The following FCRL1 variants were observed in gnomAD, a reference collection of about 807,000 sequenced individuals.
FCRL1 encodes Fc receptor like 1.
FCRL1 carries 34 observed loss-of-function variants against 49.2 expected under a neutral mutation model. The ratio of observed to expected loss-of-function variants is 0.69; its 90% CI spans 0.53 to 0.92. The LOEUF (loss-of-function observed/expected upper bound fraction) is 0.92, where lower values mean the gene tolerates loss of function less well. FCRL1 is among the 40% of genes least tolerant of loss of function. The pLI is 0.00. For missense variants in FCRL1, 524 were observed against 524.1 expected (o/e 1.00, Z 0.00); for synonymous variants, 218 against 201.6 (o/e 1.08, Z -0.69).
At chr1:157,804,488 A>T (rs1417667734) in intron 2 of FCRL1, among the ~76,000 whole-genome samples, 4 of 152,172 alleles carry the variant, frequency 2.6e-5, no homozygotes, top group African/African-American at 7.2e-5. Context: ...AGTTTTATTC[A>T]AAGTGAATAT....
chr1:157,798,322 C>T, intron 7 of FCRL1, 79 bp from the exon 8 acceptor site: 1 of 1,231,358 alleles, frequency 8.1e-7, no homozygotes, highest in Non-Finnish European at 1.1e-6. Flanking sequence ...GGAGAGAAGC[C>T]TGTGACAAAT....
rs750060612 is a variant in FCRL1 at position 157,802,040 on chromosome 1, G to T, written c.761C>A (p.Ala254Asp). 6.2e-7 allele frequency: 1 copy of T among 1,614,228 alleles called. No individual in the cohort carries two copies. The highest frequency in any genetic ancestry group is 8.5e-7 in the Non-Finnish European group (1 of 1,180,030). The change falls in exon 5 of 11, where the codon GCC becomes GAC. Residue 254 changes from alanine (A) to aspartate (D), a missense_variant. Physicochemically the swap from Ala to Asp is moderately radical, Grantham distance 126 (BLOSUM62 -2). Coordinates refer to ENST00000368176, the MANE Select transcript of FCRL1 (RefSeq NM_052938.5). ...GAAGGAGGCTCCTCCTCCAGAGGGG[G>T]CCGACCTGCTCCCCAGGGTGATATC... ...HEDITLGSRS[A>D]PSGGGASFNL...
chr1:157,795,870 TG>T lies in FCRL1; in HGVS notation c.*228del. 2.2e-6 allele frequency: 1 copy of T among 462,018 alleles called. No individual in the cohort carries two copies. Among genetic ancestry groups the T allele is most frequent in the Non-Finnish European group, 3.9e-6 (1 of 256,048 alleles). The allele number at this position is 462,018 out of a possible 1,614,324, so 28.6% of individuals were successfully genotyped here. ...GTTTTCAAAGGAGCCGGCAGGAATC[TG>T]GTTCTGATAACAAAGTCCCTGTCAC... On this transcript the variant is annotated 3_prime_UTR_variant, in exon 11 of 11. Transcript: ENST00000368176.
chr1:157,813,808 G>C (rs2101898331), intron 1 of FCRL1, among the ~76,000 whole-genome samples: 1 of 152,146 alleles, frequency 6.6e-6, no homozygotes, highest in Middle Eastern at 3.4e-3. Flanking sequence ...AATTGTTAAA[G>C]GTCAAATACA....
intron 1 of FCRL1, among the ~76,000 whole-genome samples, chr1:157,808,113 C>T (rs971269311): frequency 2.0e-5 from 3 of 152,086 alleles, no homozygotes; most frequent in African/African-American, 4.8e-5. Context: ...AATCATATTC[C>T]ATACACTTGT....
At chr1:157,809,589 C>A (rs1003755461) in intron 1 of FCRL1, among the ~76,000 whole-genome samples, 2 of 152,156 alleles carry the variant, frequency 1.3e-5, no homozygotes, top group Non-Finnish European at 2.9e-5. Context: ...GCTGGGATTA[C>A]AGGCATGTGC....
intron 3 of FCRL1, among the ~76,000 whole-genome samples, chr1:157,803,605 C>G (rs1050779759): frequency 6.6e-6 from 1 of 152,208 alleles, no homozygotes; most frequent in African/African-American, 2.4e-5. Flanking sequence ...CTCTTCCCCC[C>G]ACACCCTCCA....
chr1:157,798,028 A>C (rs1651818343), intron 8 of FCRL1, 89 bp from the exon 9 acceptor site: 2 of 1,515,460 alleles, frequency 1.3e-6, no homozygotes. Context: ...ACAGCCATGA[A>C]GACAGATGAG....
chr1:157,808,922 G>T (rs1488866564), intron 1 of FCRL1, among the ~76,000 whole-genome samples: 1 of 152,194 alleles, frequency 6.6e-6, no homozygotes, highest in Non-Finnish European at 1.5e-5. Context: ...GCAACTGGAA[G>T]AATGGTAGTG....
chr1:157,816,518 C>G (rs1418304696), intron 1 of FCRL1, among the ~76,000 whole-genome samples: 1 of 151,712 alleles, frequency 6.6e-6, no homozygotes, highest in Non-Finnish European at 1.5e-5. Context: ...AAGCATTTCT[C>G]TAAAATCTAG....
intron 1 of FCRL1, among the ~76,000 whole-genome samples, chr1:157,814,608 C>T (rs1654783538): frequency 6.6e-6 from 1 of 151,888 alleles, no homozygotes; most frequent in Non-Finnish European, 1.5e-5. Context: ...GGAGTTAAGT[C>T]CGTACCTATC....
intron 7 of FCRL1, among the ~76,000 whole-genome samples, chr1:157,798,758 A>G (rs886226220): frequency 6.6e-6 from 1 of 152,240 alleles, no homozygotes; most frequent in Non-Finnish European, 1.5e-5. Flanking sequence ...TAGTTTAAAA[A>G]ATATTTTCTT....
intron 2 of FCRL1, 66 bp downstream of exon 2, chr1:157,807,036 C>T (rs146182570): frequency 2.8e-5 from 44 of 1,584,298 alleles, no homozygotes; most frequent in Middle Eastern, 3.4e-4. Context: ...ATCTGCAGGC[C>T]TCCTGTGCTG....
chr1:157,813,972 C>G (rs550148673), intron 1 of FCRL1, among the ~76,000 whole-genome samples: 2 of 152,158 alleles, frequency 1.3e-5, no homozygotes, highest in South Asian at 4.1e-4. Flanking sequence ...AGCAAGAATA[C>G]TATACACAGA....
chr1:157,817,153 C>G (rs1235432400), intron 1 of FCRL1, among the ~76,000 whole-genome samples: 4 of 151,840 alleles, frequency 2.6e-5, no homozygotes, highest in Non-Finnish European at 5.9e-5. Flanking sequence ...ATAGAAAAAG[C>G]AATCCTAAAA....
At chr1:157,816,990 A>G (rs1455711313) in intron 1 of FCRL1, among the ~76,000 whole-genome samples, 2 of 151,958 alleles carry the variant, frequency 1.3e-5, no homozygotes, top group African/African-American at 4.8e-5. Context: ...ATAAAACATA[A>G]ATGAAGAAAT....
chr1:157,815,068 G>C (rs951313350), intron 1 of FCRL1, among the ~76,000 whole-genome samples: 4 of 151,798 alleles, frequency 2.6e-5, no homozygotes, highest in African/African-American at 4.8e-5. Context: ...AATCAACAAA[G>C]AAATATCAGA....
At chr1:157,805,548 C>T (rs1014421376) in intron 2 of FCRL1, among the ~76,000 whole-genome samples, 1 of 152,226 alleles carries the variant, frequency 6.6e-6, no homozygotes, top group Non-Finnish European at 1.5e-5. Context: ...AAACTGTGGT[C>T]CCCAGAAGAC....
chr1:157,802,138 C>T lies in FCRL1; in HGVS notation c.663G>A (p.Val221=). 1 of 1,614,220 alleles carries T rather than the reference C, an allele frequency of 6.2e-7. No homozygotes were observed. The highest frequency in any genetic ancestry group is 8.5e-7 in the Non-Finnish European group (1 of 1,180,010). The change falls in exon 5 of 11, where the codon GTG becomes GTA. Residue 221 remains valine, a synonymous_variant. Transcript: ENST00000368176. The part of the protein sequence containing the change: ...MLRAPRAQAA[V]EDVLELHCEA... ...CACAGTGAAGCTCCAGCACATCCTCCACTGCAGCCTGGGCCCTGGGAGCCC... is the reference window on the plus strand; with the variant it reads ...CACAGTGAAGCTCCAGCACATCCTCTACTGCAGCCTGGGCCCTGGGAGCCC...
Sources: gnomAD v4.1 joint callset for allele counts (sites outside exome capture counted in the v4.1 genomes callset) on GRCh38, gnomAD v4.1.1 for gene constraint, MANE v1.5 for transcripts, NCBI Gene and HGNC (gene_info 2026-07-23, HGNC 2026-07-21) for gene names.